The following USP9X variants were observed in gnomAD, a reference collection of about 807,000 sequenced individuals.
The protein encoded by USP9X is ubiquitin carboxyl-terminal hydrolase 9X.
Under a neutral mutation model 190.3 loss-of-function variants are expected in USP9X, and 7 were observed. The ratio of observed to expected loss-of-function variants is 0.04; its 90% confidence interval spans 0.02 to 0.07. USP9X has a LOEUF of 0.07. USP9X is among the 10% of genes least tolerant of loss of function. USP9X has a pLI of 1.00. For missense variants in USP9X, 1,010 were observed against 1,916.9 expected (o/e 0.53, Z 8.83); for synonymous variants, 645 against 659.5 (o/e 0.98, Z 0.34).
chrX:41,111,234 C>T (rs1395273075), intron 1 of USP9X, among the ~76,000 whole-genome samples: 1 of 111,447 alleles, frequency 9.0e-6, no homozygotes, highest in Non-Finnish European at 1.9e-5. Context: ...AAAGAGACTC[C>T]AGGGAGTTCC....
rs769559014 is a variant in USP9X at position 41,227,801 on chromosome X, C to T, written c.7062-1452C>T. Among the ~76,000 whole-genome samples the T allele has an allele frequency of 5.4e-5, 6 of 110,657 alleles. No individual in the cohort carries two copies. The East Asian group carries it at 1.4e-3, about 26-fold the overall frequency. ...CTGCAAGCTCCGCCTCCCGGGTTTACGCCATTCTCCTGTCTCAGCCTCCCG... is the reference window on the plus strand; with the variant it reads ...CTGCAAGCTCCGCCTCCCGGGTTTATGCCATTCTCCTGTCTCAGCCTCCCG... On this transcript the variant is annotated intron_variant, in intron 41 of 44. Coordinates refer to ENST00000378308, the MANE Select transcript of USP9X (RefSeq NM_001039591.3).
At chrX:41,098,791 T>C (rs1352871596) in intron 1 of USP9X, among the ~76,000 whole-genome samples, 1 of 108,640 alleles carries the variant, frequency 9.2e-6, no homozygotes, top group Admixed American at 9.9e-5. Context: ...GCTGACTGCC[T>C]GCCTCAGCCT....
intron 1 of USP9X, among the ~76,000 whole-genome samples, chrX:41,088,084 A>G (rs1044806986): frequency 8.9e-6 from 1 of 111,890 alleles, no homozygotes; most frequent in Non-Finnish European, 1.9e-5. Context: ...CCCGGGTTCA[A>G]GGGATTCTCC....
chrX:41,218,201 C>G (rs1024848407), intron 36 of USP9X, among the ~76,000 whole-genome samples, 171 bp from the exon 37 acceptor site: 1 of 110,625 alleles, frequency 9.0e-6, no homozygotes, highest in East Asian at 2.8e-4. Flanking sequence ...GAGAATAGAC[C>G]AAGTCATAGT....
intron 14 of USP9X, among the ~76,000 whole-genome samples, chrX:41,160,365 C>T (rs2062619149): frequency 9.1e-6 from 1 of 109,753 alleles, no homozygotes; most frequent in Admixed American, 9.8e-5. Context: ...GGAAGCTTCT[C>T]TGTAGTAAGA....
At chrX:41,116,100 T>C (rs1601944826) in intron 1 of USP9X, among the ~76,000 whole-genome samples, 2 of 112,273 alleles carry the variant, frequency 1.8e-5, no homozygotes, top group Admixed American at 9.5e-5. Context: ...TTGTGGAAGA[T>C]GTTAGGATGC....
intron 21 of USP9X, among the ~76,000 whole-genome samples, chrX:41,180,941 T>C (rs756751669): frequency 1.2e-4 from 13 of 111,525 alleles, no homozygotes; most frequent in East Asian, 5.6e-4. Context: ...AAGCTAATGA[T>C]TCTCTCTTTC....
chrX:41,220,148 G>C (rs1266011441), intron 38 of USP9X, among the ~76,000 whole-genome samples: 1 of 110,761 alleles, frequency 9.0e-6, no homozygotes, highest in African/African-American at 3.3e-5. Context: ...TATTTAGTTT[G>C]TCTTCTTTTC....
At chrX:41,218,706 C>A in intron 37 of USP9X, 109 bp downstream of exon 37, 1 of 675,451 alleles carries the variant, frequency 1.5e-6, no homozygotes, top group Non-Finnish European at 2.3e-6. Flanking sequence ...GTTTACCTAA[C>A]AGAAACACAC....
chrX:41,190,823 A>G (rs2062928106), intron 26 of USP9X, among the ~76,000 whole-genome samples: 1 of 111,543 alleles, frequency 9.0e-6, no homozygotes, highest in South Asian at 3.8e-4. Flanking sequence ...GCGGTAATGT[A>G]CTGTAGAAAG....
At chrX:41,090,599 A>G in intron 1 of USP9X, among the ~76,000 whole-genome samples, 1 of 112,423 alleles carries the variant, frequency 8.9e-6, no homozygotes, top group Non-Finnish European at 1.9e-5. Flanking sequence ...TCTGTGTATC[A>G]ATCATCTGTG....
intron 38 of USP9X, 36 bp downstream of exon 38, chrX:41,219,267 G>C: frequency 8.5e-7 from 1 of 1,170,435 alleles, no homozygotes; most frequent in Non-Finnish European, 1.2e-6. Flanking sequence ...CTGTTTTGAT[G>C]TATCATATTA....
At chrX:41,091,030 T>G (rs1316081435) in intron 1 of USP9X, among the ~76,000 whole-genome samples, 1 of 111,838 alleles carries the variant, frequency 8.9e-6, no homozygotes, top group Non-Finnish European at 1.9e-5. Flanking sequence ...CTAGGCACTG[T>G]TCTAGAGATT....
intron 3 of USP9X, among the ~76,000 whole-genome samples, chrX:41,130,478 TTTTTTTG>T (rs1388124346): frequency 6.9e-4 from 68 of 99,226 alleles, no homozygotes; most frequent in African/African-American, 2.4e-3. Context: ...TTTTTCTTTT[TTTTTTTG>T]TTTTTTGTTT....
At chrX:41,179,968 TTTTATGTTCTTTTGAG>T (rs2147146603) in intron 21 of USP9X, among the ~76,000 whole-genome samples, 1 of 111,897 alleles carries the variant, frequency 8.9e-6, no homozygotes, top group African/African-American at 3.2e-5. Flanking sequence ...CCCCTTCTGT[TTTTATGTTCTTTTGAG>T]TTTATGTATT....
intron 30 of USP9X, among the ~76,000 whole-genome samples, chrX:41,200,324 A>G (rs1202777624): frequency 1.8e-5 from 2 of 111,748 alleles, no homozygotes; most frequent in Non-Finnish European, 3.8e-5. Flanking sequence ...CAACACAGAA[A>G]TATTTACCTA....
At chrX:41,215,768 A>G (rs2063206489) in intron 34 of USP9X, 131 bp from the exon 35 acceptor site, 2 of 604,377 alleles carry the variant, frequency 3.3e-6, no homozygotes, top group Non-Finnish European at 5.0e-6. Flanking sequence ...GATTATGCTC[A>G]TTGTCATGTA....
Position 41,197,351 on chromosome X carries a change from C to CCCCCT in USP9X, c.4234-12_4234-11insCCCTC. The CCCCCT allele has an allele frequency of 1.1e-6, 1 of 939,390 alleles. No homozygotes were observed. The highest frequency in any genetic ancestry group is 1.4e-6 in the Non-Finnish European group (1 of 728,824). The allele number at this position is 939,390 out of a possible 1,213,427, so 77.4% of individuals were successfully genotyped here. On this transcript the variant is annotated splice_polypyrimidine_tract_variant and intron_variant, in intron 28 of 44. Coordinates refer to ENST00000378308, the MANE Select transcript of USP9X (RefSeq NM_001039591.3). ...TTTCTTCCCCCCCCCACCCCACCCC[C>CCCCCT]CGCCTTTGGCAGGATGATGTTAAAA...
chrX:41,101,054 A>G (rs188884500), intron 1 of USP9X, among the ~76,000 whole-genome samples: 2 of 111,901 alleles, frequency 1.8e-5, no homozygotes, highest in African/African-American at 3.2e-5. Context: ...TAGTGTCTCT[A>G]TAATTATGGG....
Sources: allele counts gnomAD v4.1 joint callset (sites outside exome capture counted in the v4.1 genomes callset), GRCh38; gene constraint gnomAD v4.1.1; transcripts MANE v1.5; gene names NCBI Gene and HGNC (gene_info 2026-07-23, HGNC 2026-07-21).